The following METTL15 variants were observed in gnomAD, a reference collection of about 807,000 sequenced individuals.
METTL15 encodes methyltransferase 15, mitochondrial 12S rRNA N4-cytidine, also known as 12S rRNA N(4)-cytidine methyltransferase METTL15.
In METTL15, 34 loss-of-function variants were observed where a neutral mutation model predicts 38.3. That is an observed-to-expected ratio of 0.89 (90% CI 0.68 to 1.18). The LOEUF (loss-of-function observed/expected upper bound fraction) is 1.18, where lower values mean the gene tolerates loss of function less well. Ranked by LOEUF, METTL15 falls within the 50% of genes most tolerant of loss-of-function variation. The pLI, the probability that METTL15 is intolerant of heterozygous loss-of-function variation, is 0.00. For synonymous variants in METTL15, 162 were observed against 170.9 expected (o/e 0.95, Z 0.41); for missense variants, 438 against 498.4 (o/e 0.88, Z 1.15).
intron 6 of METTL15, among the ~76,000 whole-genome samples, chr11:28,319,078 A>G (rs1565251180): frequency 6.6e-6 from 1 of 152,222 alleles, no homozygotes; most frequent in Non-Finnish European, 1.5e-5. Context: ...TTTAGGCCTG[A>G]CAATGCACAT....
At chr11:28,112,768 A>G (rs542364703) in intron 2 of METTL15, among the ~76,000 whole-genome samples, 2 of 152,250 alleles carry the variant, frequency 1.3e-5, no homozygotes, top group African/African-American at 4.8e-5. Flanking sequence ...GGACTGATAG[A>G]CTGATTATCT....
intron 3 of METTL15, among the ~76,000 whole-genome samples, chr11:28,148,994 T>C (rs1222659140): frequency 2.6e-5 from 4 of 151,990 alleles, no homozygotes; most frequent in Non-Finnish European, 5.9e-5. Context: ...AATAGAAATG[T>C]GGATTGGTAC....
chr11:28,405,950 C>G (rs1850670032), intron 5 of METTL15, among the ~76,000 whole-genome samples: 1 of 152,116 alleles, frequency 6.6e-6, no homozygotes. Flanking sequence ...GATCTCTATT[C>G]TGTTCCATTG....
At chr11:28,383,938 A>T (rs928971072) in intron 5 of METTL15, among the ~76,000 whole-genome samples, 1 of 151,748 alleles carries the variant, frequency 6.6e-6, no homozygotes, top group East Asian at 1.9e-4. Context: ...ACCCATTAGT[A>T]TTTTTCCTGA....
rs753057008 is a variant in METTL15 at position 28,440,857 on chromosome 11, A to G, written c.*424+16493A>G. On this transcript the variant is annotated intron_variant and NMD_transcript_variant, in intron 6 of 7. Transcript: ENST00000532947. The stretch of plus-strand genomic sequence containing the variant: ...ATACTAAGGAAGCAATGAGGGGAGG[A>G]AAGGTGCCATCAAGAATTGCACTGT... Among the ~76,000 whole-genome samples, 7 of 152,248 alleles carry G rather than the reference A, an allele frequency of 4.6e-5. No individual in the cohort carries two copies. In the South Asian group the frequency reaches 1.2e-3, roughly 27 times the overall value.
chr11:28,497,756 C>A (rs775430147), intron 6 of METTL15, among the ~76,000 whole-genome samples: 19 of 152,186 alleles, frequency 1.2e-4, no homozygotes, highest in Non-Finnish European at 2.1e-4. Context: ...CTCTCTGAAA[C>A]CTCTCTTATA....
At chr11:28,404,767 G>A (rs904317950) in intron 5 of METTL15, among the ~76,000 whole-genome samples, 2 of 152,092 alleles carry the variant, frequency 1.3e-5, no homozygotes. Context: ...ATGTAGATGA[G>A]CAAGGCCCCT....
intron 6 of METTL15, among the ~76,000 whole-genome samples, chr11:28,319,800 G>C (rs1849397552): frequency 1.3e-5 from 2 of 152,152 alleles, no homozygotes; most frequent in Non-Finnish European, 1.5e-5. Context: ...GTTATCTTAA[G>C]AGCTTTACCA....
At chr11:28,111,284 C>G (rs777810844) in intron 2 of METTL15, among the ~76,000 whole-genome samples, 13 of 152,168 alleles carry the variant, frequency 8.5e-5, no homozygotes, top group Non-Finnish European at 1.3e-4. Context: ...TTTTCCCCCG[C>G]TACTCTGCGT....
intron 4 of METTL15, among the ~76,000 whole-genome samples, chr11:28,259,347 G>A (rs1158923178): frequency 1.3e-5 from 2 of 152,052 alleles, no homozygotes; most frequent in Non-Finnish European, 2.9e-5. Context: ...AGCGTTAGGG[G>A]AGGGATGATG....
chr11:28,150,280 T>C (rs973700551), intron 3 of METTL15, among the ~76,000 whole-genome samples: 7 of 151,984 alleles, frequency 4.6e-5, no homozygotes, highest in Non-Finnish European at 7.4e-5. Flanking sequence ...TTGTGTTTCA[T>C]TGGTTCTTTT....
At chr11:28,309,007 G>A (rs910631446) in intron 6 of METTL15, among the ~76,000 whole-genome samples, 10 of 152,120 alleles carry the variant, frequency 6.6e-5, no homozygotes, top group African/African-American at 2.2e-4. Flanking sequence ...ATCGTAGGTA[G>A]ATCAATAGAT....
chr11:28,399,378 G>C (rs1850607571), intron 5 of METTL15, among the ~76,000 whole-genome samples: 1 of 151,822 alleles, frequency 6.6e-6, no homozygotes, highest in Non-Finnish European at 1.5e-5. Flanking sequence ...AAGACTAAGG[G>C]AATTTCATTC....
At chr11:28,188,622 C>T (rs777271530) in intron 3 of METTL15, among the ~76,000 whole-genome samples, 2 of 151,070 alleles carry the variant, frequency 1.3e-5, no homozygotes, top group African/African-American at 4.8e-5. Context: ...TGATATATAT[C>T]GTATCAGTTT....
At chr11:28,272,444 C>T (rs1033488302) in intron 4 of METTL15, among the ~76,000 whole-genome samples, 11 of 152,146 alleles carry the variant, frequency 7.2e-5, no homozygotes, top group African/African-American at 2.2e-4. Context: ...TGGAAACCAT[C>T]ATTCTCAGCA....
chr11:28,240,323 A>G (rs985494650), intron 4 of METTL15, among the ~76,000 whole-genome samples: 1 of 152,218 alleles, frequency 6.6e-6, no homozygotes, highest in African/African-American at 2.4e-5. Context: ...ACAAAGTTAT[A>G]TAATCTAGAA....
chr11:28,277,511 A>G (rs534191450), intron 4 of METTL15, among the ~76,000 whole-genome samples: 102 of 152,180 alleles, frequency 6.7e-4, no homozygotes, highest in African/African-American at 2.4e-3. Context: ...CAGCCTGGCC[A>G]ACACTGTGAA....
intron 4 of METTL15, among the ~76,000 whole-genome samples, chr11:28,260,535 C>G (rs1855159608): frequency 6.6e-6 from 1 of 152,124 alleles, no homozygotes; most frequent in African/African-American, 2.4e-5. Context: ...CCTCTGTTTT[C>G]TGGGATATGG....
At chr11:28,444,002 T>C (rs969539346) in intron 6 of METTL15, among the ~76,000 whole-genome samples, 1 of 152,234 alleles carries the variant, frequency 6.6e-6, no homozygotes. Context: ...CAATTCCATG[T>C]GATTTCAATT....
Sources: gnomAD v4.1 joint callset for allele counts (sites outside exome capture counted in the v4.1 genomes callset) on GRCh38, gnomAD v4.1.1 for gene constraint, MANE v1.5 for transcripts, NCBI Gene and HGNC (gene_info 2026-07-23, HGNC 2026-07-21) for gene names.